TRDN: variants seen among roughly 807,000 people sequenced by gnomAD.
The protein encoded by TRDN is triadin in skeletal muscle.
A neutral mutation model predicts 149.7 loss-of-function variants in TRDN; 161 were observed. The ratio of observed to expected loss-of-function variants is 1.08; its 90% confidence interval spans 0.95 to 1.23. The LOEUF (loss-of-function observed/expected upper bound fraction) is 1.23. Among genes scored for constraint, TRDN ranks in the 50% most tolerant of loss-of-function variants. The pLI, the probability that TRDN is intolerant of heterozygous loss-of-function variation, is 0.00. For missense variants in TRDN, 896 were observed against 823.5 expected (o/e 1.09, Z -1.08); for synonymous variants, 294 against 250.5 (o/e 1.17, Z -1.64).
chr6:123,478,147 C>G (rs1374549896), intron 9 of TRDN, among the ~76,000 whole-genome samples: 1 of 150,620 alleles, frequency 6.6e-6, no homozygotes, highest in East Asian at 1.9e-4. Context: ...CCTATTTAAT[C>G]AACTATTTGG....
chr6:123,497,901 C>T (rs1202067924), intron 8 of TRDN, among the ~76,000 whole-genome samples: 1 of 152,014 alleles, frequency 6.6e-6, no homozygotes. Flanking sequence ...AGTTTATGGC[C>T]TATGGTGAAA....
intron 7 of TRDN, among the ~76,000 whole-genome samples, chr6:123,511,831 G>A (rs1480599015): frequency 2.0e-5 from 3 of 152,150 alleles, no homozygotes; most frequent in East Asian, 1.9e-4. Flanking sequence ...TTCTTCTCAC[G>A]TTTTCAAGAC....
chr6:123,552,769 C>T (rs1380448385), intron 2 of TRDN, among the ~76,000 whole-genome samples: 1 of 152,130 alleles, frequency 6.6e-6, no homozygotes, highest in African/African-American at 2.4e-5. Flanking sequence ...TCACTTTTCT[C>T]TAGTCCTGGT....
At chr6:123,461,514 A>G (rs1403221646) in intron 10 of TRDN, among the ~76,000 whole-genome samples, 2 of 152,192 alleles carry the variant, frequency 1.3e-5, no homozygotes, top group Non-Finnish European at 2.9e-5. Context: ...AGTCCTGGTA[A>G]TTTTATACTA....
chr6:123,611,476 C>A (rs1784806333), intron 1 of TRDN, among the ~76,000 whole-genome samples: 1 of 151,956 alleles, frequency 6.6e-6, no homozygotes, highest in African/African-American at 2.4e-5. Context: ...CATGCATACA[C>A]CTATGTAGAT....
In TRDN at chr6:123,416,462, C is replaced by A. The variant is rs6900791; in HGVS notation, c.1051+21601G>T. Among the ~76,000 whole-genome samples, 1,111 of 152,248 alleles carry A rather than the reference C, an allele frequency of 7.3e-3. 21 individuals carry two copies. The highest frequency in any genetic ancestry group is 0.025 in the African/African-American group (1,041 of 41,552). On this transcript the variant is annotated intron_variant, in intron 12 of 40. Transcript: ENST00000334268. ...TCACAAATGTGTGTGCAGCTCACTC[C>A]TTTCTTCATCCAAGTCTCTGTTCAG...
chr6:123,273,360 A>G lies in TRDN; in HGVS notation c.1601T>C (p.Ile534Thr). The G allele has an allele frequency of 1.0e-6, 1 of 1,001,122 alleles. No homozygotes were observed. The highest frequency in any genetic ancestry group is 1.4e-6 in the Non-Finnish European group (1 of 739,376). The allele number at this position is 1,001,122 out of a possible 1,614,324, so 62.0% of individuals were successfully genotyped here. A position where few individuals can be genotyped will look rare whatever the true frequency, so the allele number is the denominator to read the frequency against. The stretch of plus-strand genomic sequence containing the variant: ...ACTGTGTATTTGCACTTTTTCAGAT[A>G]TAGCTAAAATAAATAAATAACATAT... The part of the protein sequence containing the change: ...PQIKKEAKPA[I>T]SEKVQIHKQD... Residue 534 changes from isoleucine (I) to threonine (T), a missense_variant, in exon 28 of 41, where the codon ATA (isoleucine) becomes ACA (threonine). By Grantham distance (89) the Ile-to-Thr change is moderately conservative. Transcript: ENST00000334268.
chr6:123,559,192 T>A (rs1046894978), intron 2 of TRDN, among the ~76,000 whole-genome samples: 3 of 152,176 alleles, frequency 2.0e-5, no homozygotes, highest in African/African-American at 7.2e-5. Flanking sequence ...GTCTGTCCCC[T>A]TCTTAATCAA....
intron 22 of TRDN, among the ~76,000 whole-genome samples, chr6:123,335,706 C>T (rs907875003): frequency 6.6e-6 from 1 of 151,938 alleles, no homozygotes; most frequent in African/African-American, 2.4e-5. Flanking sequence ...TAAGCCCCAA[C>T]CTTTCTTTTG....
At chr6:123,552,525 T>C (rs1781450612) in intron 2 of TRDN, among the ~76,000 whole-genome samples, 2 of 152,162 alleles carry the variant, frequency 1.3e-5, no homozygotes, top group East Asian at 3.9e-4. Context: ...GCTTGGGTTC[T>C]GAGTTCAGAC....
intron 20 of TRDN, among the ~76,000 whole-genome samples, chr6:123,365,474 T>C (rs1255347492): frequency 1.3e-5 from 2 of 152,194 alleles, no homozygotes; most frequent in Non-Finnish European, 2.9e-5. Flanking sequence ...AATCCTGTTA[T>C]ATGTTTTCTT....
intron 1 of TRDN, among the ~76,000 whole-genome samples, chr6:123,573,547 T>G (rs553325593): frequency 5.0e-4 from 76 of 152,120 alleles, no homozygotes; most frequent in Non-Finnish European, 8.8e-4. Flanking sequence ...GGCATTTGTT[T>G]CCATTTAATA....
chr6:123,422,686 C>T (rs1583000199), intron 12 of TRDN, among the ~76,000 whole-genome samples: 1 of 152,108 alleles, frequency 6.6e-6, no homozygotes, highest in Middle Eastern at 3.2e-3. Context: ...TTGCTGCTCA[C>T]AATTTATACA....
At chr6:123,607,851 C>CTTTT (rs558952808) in intron 1 of TRDN, among the ~76,000 whole-genome samples, 1 of 130,514 alleles carries the variant, frequency 7.7e-6, no homozygotes, top group Non-Finnish European at 1.7e-5. Flanking sequence ...CTCTTTTAGT[C>CTTTT]TTTTTTTTTT....
chr6:123,382,068 T>C, intron 15 of TRDN, 50 bp downstream of exon 15: 1 of 1,409,826 alleles, frequency 7.1e-7, no homozygotes, highest in Non-Finnish European at 9.4e-7. Flanking sequence ...AGGTATGCTG[T>C]TTCATGGTTC....
chr6:123,449,935 TC>T (rs1230870486), intron 10 of TRDN, among the ~76,000 whole-genome samples: 1 of 152,052 alleles, frequency 6.6e-6, no homozygotes, highest in African/African-American at 2.4e-5. Context: ...AACAGAACAA[TC>T]ATCAGCCAAG....
At chr6:123,250,329 G>A (rs1227066021) in intron 38 of TRDN, among the ~76,000 whole-genome samples, 1 of 151,814 alleles carries the variant, frequency 6.6e-6, no homozygotes, top group Non-Finnish European at 1.5e-5. Flanking sequence ...ATTTCATGAA[G>A]CTCCTTTAGT....
At chr6:123,587,927 A>G (rs1783587536) in intron 1 of TRDN, among the ~76,000 whole-genome samples, 1 of 152,166 alleles carries the variant, frequency 6.6e-6, no homozygotes, top group Non-Finnish European at 1.5e-5. Context: ...GTTATCAGTT[A>G]AGGCAGGAAC....
At chr6:123,523,942 G>A (rs1288084278) in intron 5 of TRDN, among the ~76,000 whole-genome samples, 5 of 152,036 alleles carry the variant, frequency 3.3e-5, no homozygotes, top group African/African-American at 1.2e-4. Flanking sequence ...ACCACTGTGG[G>A]ATATATTTGA....
Sources: allele counts gnomAD v4.1 joint callset (sites outside exome capture counted in the v4.1 genomes callset), GRCh38; gene constraint gnomAD v4.1.1; transcripts MANE v1.5; gene names NCBI Gene and HGNC (gene_info 2026-07-23, HGNC 2026-07-21).